The following NTNG2 variants were observed in gnomAD, a reference collection of about 807,000 sequenced individuals.
NTNG2 encodes netrin-G2.
A neutral mutation model predicts 47.6 loss-of-function variants in NTNG2; 15 were observed. The ratio of observed to expected loss-of-function variants is 0.32; its 90% CI spans 0.21 to 0.49. The LOEUF is 0.49. NTNG2 is among the 20% of genes least tolerant of loss of function. NTNG2 has a pLI of 0.99. For synonymous variants in NTNG2, 307 were observed against 324.6 expected (o/e 0.95, Z 0.58); for missense variants, 578 against 764.6 (o/e 0.76, Z 2.88).
At chr9:132,235,957 G>A (rs1324164763) in intron 5 of NTNG2, among the ~76,000 whole-genome samples, 1 of 152,188 alleles carries the variant, frequency 6.6e-6, no homozygotes, top group Non-Finnish European at 1.5e-5. Context: ...CTGCCCCCAA[G>A]CTCACCTGCT....
intron 2 of NTNG2, among the ~76,000 whole-genome samples, chr9:132,186,973 G>A (rs1262365730): frequency 6.6e-6 from 1 of 152,256 alleles, no homozygotes; most frequent in African/African-American, 2.4e-5. Flanking sequence ...GGGTTGAAAG[G>A]CCTAAAGTGC....
intron 4 of NTNG2, among the ~76,000 whole-genome samples, chr9:132,230,342 A>G (rs1349001463): frequency 1.3e-5 from 2 of 152,244 alleles, no homozygotes; most frequent in African/African-American, 2.4e-5. Flanking sequence ...AAATGGGCCA[A>G]TAGTGGTTCC....
At chr9:132,214,465 A>G (rs1839829372) in intron 3 of NTNG2, among the ~76,000 whole-genome samples, 1 of 152,200 alleles carries the variant, frequency 6.6e-6, no homozygotes, top group Admixed American at 6.5e-5. Flanking sequence ...AACTGGTGTT[A>G]TCTGGGCTGG....
chr9:132,173,209 G>C (rs1836067565), intron 2 of NTNG2, among the ~76,000 whole-genome samples: 2 of 152,166 alleles, frequency 1.3e-5, no homozygotes, highest in South Asian at 4.1e-4. Context: ...AGCTGCACCA[G>C]CCGTTAAAGC....
chr9:132,186,052 A>C (rs560206279), intron 2 of NTNG2, among the ~76,000 whole-genome samples: 6 of 152,334 alleles, frequency 3.9e-5, no homozygotes, highest in African/African-American at 1.4e-4. Context: ...TTTACAGCAT[A>C]GCCAGAGAAA....
Position 132,215,901 on chromosome 9 carries a change from A to G in NTNG2, c.858-10948A>G, listed in dbSNP as rs965087124. ...GCTGTTGACAATAGCAACAATAATAATAGCTGACGTTTCCGGAGGGCATGC... is the reference window on the plus strand; with the variant it reads ...GCTGTTGACAATAGCAACAATAATAGTAGCTGACGTTTCCGGAGGGCATGC... On this transcript the variant is annotated intron_variant, in intron 3 of 7. Coordinates refer to ENST00000393229, the MANE Select transcript of NTNG2 (RefSeq NM_032536.4). The surrounding 1 kb of genome is among the most constrained non-coding windows in gnomAD (Gnocchi z 4.2). 1.3e-5 allele frequency among the ~76,000 whole-genome samples: 2 copies of G among 152,086 alleles called. No homozygotes were observed. Among genetic ancestry groups the G allele is most frequent in the Non-Finnish European group, 2.9e-5 (2 of 68,020 alleles).
chr9:132,166,714 C>T lies in NTNG2; in HGVS notation c.-118C>T. 1 of 944,482 alleles carries T rather than the reference C, an allele frequency of 1.1e-6. No individual in the cohort carries two copies. Among genetic ancestry groups the T allele is most frequent in the Non-Finnish European group, 1.7e-6 (1 of 599,422 alleles). The allele number at this position is 944,482 out of a possible 1,614,324, so 58.5% of individuals were successfully genotyped here. A position where few individuals can be genotyped will look rare whatever the true frequency, so the allele number is the denominator to read the frequency against. On this transcript the variant is annotated 5_prime_UTR_variant, in exon 2 of 8. Coordinates refer to ENST00000393229, the MANE Select transcript of NTNG2 (RefSeq NM_032536.4). ...TTCAGTGCTCGGGTCCCTGGGACAC[C>T]CCGGCCACCCTCGCCTGGTAGATGT...
In NTNG2 at chr9:132,226,760, C is replaced by A; in HGVS notation, c.858-89C>A. On this transcript the variant is annotated intron_variant, in intron 3 of 7. Coordinates refer to ENST00000393229, the MANE Select transcript of NTNG2 (RefSeq NM_032536.4). The surrounding 1 kb of genome is among the most constrained non-coding windows in gnomAD (Gnocchi z 4.8). Reference sequence around the variant, plus strand: ...CTGGGCAGCCCAACACCCTCCTGGGCCCCTCCTGGGAGGCGCTCCTTTCCC... The same window carrying A: ...CTGGGCAGCCCAACACCCTCCTGGGACCCTCCTGGGAGGCGCTCCTTTCCC... The A allele has an allele frequency of 1.6e-6, 2 of 1,231,312 alleles. No homozygotes were observed. Among genetic ancestry groups the A allele is most frequent in the Non-Finnish European group, 2.2e-6 (2 of 909,578 alleles). The allele number at this position is 1,231,312 out of a possible 1,614,324, so 76.3% of individuals were successfully genotyped here.
Position 132,231,487 on chromosome 9 carries a change from G to A in NTNG2, c.1054+892G>A, listed in dbSNP as rs1322575617. On this transcript the variant is annotated intron_variant, in intron 5 of 7. Transcript: ENST00000393229. The surrounding 1 kb of genome is among the most constrained non-coding windows in gnomAD (Gnocchi z 4.1). ...AAGTTGTCCCTCCCGGACCCAGGGGGCCCCTGGCTGGGAAGCCAGTGAGCC... is the reference window on the plus strand; with the variant it reads ...AAGTTGTCCCTCCCGGACCCAGGGGACCCCTGGCTGGGAAGCCAGTGAGCC... 2 of 360,456 alleles carry A rather than the reference G, an allele frequency of 5.5e-6. No individual in the cohort carries two copies. Among genetic ancestry groups the A allele is most frequent in the East Asian group, 1.6e-4 (2 of 12,314 alleles). The allele number at this position is 360,456 out of a possible 1,614,324, so 22.3% of individuals were successfully genotyped here.
intron 2 of NTNG2, among the ~76,000 whole-genome samples, chr9:132,187,622 G>A (rs925281713): frequency 6.6e-6 from 1 of 151,388 alleles, no homozygotes; most frequent in African/African-American, 2.4e-5. Flanking sequence ...AGGGAGGGAG[G>A]GAGGGAGAGC....
chr9:132,162,569 A>AGT lies in NTNG2; in HGVS notation c.-484+377_-484+378dup, dbSNP rs769570116. Among the ~76,000 whole-genome samples the AGT allele has an allele frequency of 0.11, 12,667 of 112,036 alleles. 910 individuals carry two copies. Among genetic ancestry groups the AGT allele is most frequent in the Admixed American group, 0.16 (1,712 of 10,882 alleles). The allele number at this position is 112,036 out of a possible 152,430, so 73.5% of individuals were successfully genotyped here. Reference sequence around the variant, plus strand: ...GTGTGTGTGTGTGAGAGAGAGACAGAGTGTGTGTGTGTGTGTGTGTGTGTG... The same window carrying AGT: ...GTGTGTGTGTGTGAGAGAGAGACAGAGTGTGTGTGTGTGTGTGTGTGTGTGTG... On this transcript the variant is annotated intron_variant, in intron 1 of 7. Transcript: ENST00000393229. This position sits in a 1 kb window ranked among gnomAD's most constrained non-coding sequence, Gnocchi z 4.6.
At chr9:132,224,393 T>C (rs1840580616) in intron 3 of NTNG2, among the ~76,000 whole-genome samples, 1 of 152,202 alleles carries the variant, frequency 6.6e-6, no homozygotes, top group African/African-American at 2.4e-5. Flanking sequence ...TAATGCCACA[T>C]ATCTACCATT....
intron 4 of NTNG2, among the ~76,000 whole-genome samples, chr9:132,228,615 T>A (rs907264135): frequency 1.3e-5 from 2 of 151,656 alleles, no homozygotes; most frequent in African/African-American, 2.4e-5. Flanking sequence ...TGGAGTGCAG[T>A]GGCGCAGTCA....
At chr9:132,178,693 C>T (rs1006237382) in intron 2 of NTNG2, among the ~76,000 whole-genome samples, 3 of 151,318 alleles carry the variant, frequency 2.0e-5, no homozygotes, top group Non-Finnish European at 4.4e-5. Context: ...TAAATCCTAG[C>T]ACTCTGGGAG....
intron 2 of NTNG2, among the ~76,000 whole-genome samples, chr9:132,169,930 G>C (rs1380564540): frequency 1.3e-5 from 2 of 152,204 alleles, no homozygotes; most frequent in African/African-American, 2.4e-5. Context: ...GATGCAGGCT[G>C]GGGGAGCTTC....
At chr9:132,196,558 C>T (rs1838331231) in intron 2 of NTNG2, among the ~76,000 whole-genome samples, 1 of 152,204 alleles carries the variant, frequency 6.6e-6, no homozygotes, top group South Asian at 2.1e-4. Context: ...TACGGCATAG[C>T]CTCACTGTCC....
intron 3 of NTNG2, among the ~76,000 whole-genome samples, chr9:132,219,952 C>T (rs1329337545): frequency 1.3e-5 from 2 of 152,222 alleles, no homozygotes; most frequent in Non-Finnish European, 1.5e-5. Flanking sequence ...TTTTACATTC[C>T]CACCAGCAGC....
At position 132,243,175 on chromosome 9, in the gene NTNG2, A is replaced by G. The variant is rs1483314133; in HGVS notation, c.*1064A>G. 1 of 152,162 alleles carries G rather than the reference A, an allele frequency of 6.6e-6. No homozygotes were observed. The highest frequency in any genetic ancestry group is 2.4e-5 in the African/African-American group (1 of 41,432). The allele number at this position is 152,162 out of a possible 1,614,324, so 9.4% of individuals were successfully genotyped here. On this transcript the variant is annotated 3_prime_UTR_variant, in exon 8 of 8. Coordinates refer to ENST00000393229, the MANE Select transcript of NTNG2 (RefSeq NM_032536.4). Reference sequence around the variant, plus strand: ...AGAATCCTAGCAGAGGTTGAATCCAATGCTCTGATTTATACTGTGTCTCGG... The same window carrying G: ...AGAATCCTAGCAGAGGTTGAATCCAGTGCTCTGATTTATACTGTGTCTCGG...
intron 2 of NTNG2, among the ~76,000 whole-genome samples, chr9:132,177,744 C>T (rs1308467268): frequency 6.6e-6 from 1 of 152,020 alleles, no homozygotes; most frequent in African/African-American, 2.4e-5. Context: ...TGCAACCTCC[C>T]CCTCCCGGGT....
Sources: allele counts gnomAD v4.1 joint callset (sites outside exome capture counted in the v4.1 genomes callset), GRCh38; gene constraint gnomAD v4.1.1; non-coding constraint Gnocchi (gnomAD v3.1); transcripts MANE v1.5; gene names NCBI Gene and HGNC (gene_info 2026-07-23, HGNC 2026-07-21).